The following PIK3R3 variants were observed in gnomAD, a reference collection of about 807,000 sequenced individuals.
PIK3R3 encodes the protein phosphatidylinositol 3-kinase regulatory subunit gamma.
PIK3R3 carries 64 observed loss-of-function variants against 62.9 expected under a neutral mutation model. The observed-to-expected ratio is 1.02, with a 90% CI of 0.83 to 1.25. The LOEUF (loss-of-function observed/expected upper bound fraction) is 1.25, where lower values mean the gene tolerates loss of function less well. Ranked by LOEUF, PIK3R3 falls within the 50% of genes most tolerant of loss-of-function variation. The pLI is 0.00. For synonymous variants in PIK3R3, 165 were observed against 189.0 expected (o/e 0.87, Z 1.04); for missense variants, 614 against 561.6 (o/e 1.09, Z -0.94).
intron 1 of PIK3R3, among the ~76,000 whole-genome samples, chr1:46,085,818 C>A (rs367696481): frequency 1.3e-5 from 2 of 152,128 alleles, no homozygotes; most frequent in African/African-American, 4.8e-5. Context: ...AAATGAGTAT[C>A]CATAAAATAT....
intron 1 of PIK3R3, among the ~76,000 whole-genome samples, chr1:46,100,085 T>G (rs537733385): frequency 7.9e-5 from 12 of 152,302 alleles, no homozygotes; most frequent in Admixed American, 2.6e-4. Flanking sequence ...CTGCAAATAT[T>G]TTCTCCCAGA....
Position 46,125,905 on chromosome 1 carries a change from C to T in PIK3R3, c.106+5942G>A, listed in dbSNP as rs376203394. ...CCTCCCGAGTAGCTGGGACTACAGG[C>T]GCCCGCCACCACACCCAGCTAACTT... On this transcript the variant is annotated intron_variant, in intron 1 of 9. Coordinates refer to ENST00000262741, the MANE Select transcript of PIK3R3 (RefSeq NM_003629.4). Among the ~76,000 whole-genome samples, 9 of 152,100 alleles carry T rather than the reference C, an allele frequency of 5.9e-5. No homozygotes were observed. In the South Asian group the frequency reaches 1.0e-3, roughly 18 times the overall value.
chr1:46,056,943 C>A lies in PIK3R3; in HGVS notation c.765-972G>T, dbSNP rs533573178. ...CTGTCACTTGCTGTGGGGCCATGGGCAAGTTATTTAACTTCTCAGTGCCTT... is the reference window on the plus strand; with the variant it reads ...CTGTCACTTGCTGTGGGGCCATGGGAAAGTTATTTAACTTCTCAGTGCCTT... On this transcript the variant is annotated intron_variant, in intron 6 of 9. Transcript: ENST00000262741. 2.6e-5 allele frequency: 4 copies of A among 152,366 alleles called. No homozygotes were observed. The South Asian group carries it at 8.3e-4, about 32-fold the overall frequency. 9.4% of individuals were successfully genotyped at this position (152,366 alleles called of 1,614,324 possible). A position where few individuals can be genotyped will look rare whatever the true frequency, so the allele number is the denominator to read the frequency against.
the PIK3R3 span, among the ~76,000 whole-genome samples, chr1:46,162,039 C>A: frequency 1.1e-3 from 168 of 151,380 alleles, 1 homozygote; most frequent in African/African-American, 3.8e-3. Flanking sequence ...TTGCAGTGAG[C>A]CGAGATCGCG....
intron 1 of PIK3R3, among the ~76,000 whole-genome samples, chr1:46,091,028 C>T (rs893777731): frequency 2.6e-5 from 4 of 151,974 alleles, no homozygotes; most frequent in Non-Finnish European, 5.9e-5. Flanking sequence ...GAGGGTCTCA[C>T]TATGTTGCCC....
At chr1:46,170,711 G>A in the PIK3R3 span, among the ~76,000 whole-genome samples, 7 of 152,270 alleles carry the variant, frequency 4.6e-5, no homozygotes, top group African/African-American at 1.2e-4. Context: ...GCGAGCCACC[G>A]CGCCTGGCCC....
intron 1 of PIK3R3, among the ~76,000 whole-genome samples, chr1:46,089,581 G>T (rs1247166150): frequency 6.6e-6 from 1 of 151,980 alleles, no homozygotes; most frequent in Non-Finnish European, 1.5e-5. Flanking sequence ...CAAGTGTGGT[G>T]GTGTGTGCCT....
intron 5 of PIK3R3, among the ~76,000 whole-genome samples, chr1:46,064,121 G>A (rs1210194443): frequency 6.6e-6 from 1 of 152,190 alleles, no homozygotes; most frequent in Non-Finnish European, 1.5e-5. Flanking sequence ...GCTGAGGCAA[G>A]AGAATCACTT....
chr1:46,054,397 C>CAA (rs10649671), intron 7 of PIK3R3, among the ~76,000 whole-genome samples: 32,423 of 79,992 alleles, frequency 0.41, 6,512 homozygotes, highest in East Asian at 0.53. Flanking sequence ...CTCCGCCTCA[C>CAA]AAAAAAAAAA....
the PIK3R3 span, among the ~76,000 whole-genome samples, chr1:46,141,947 G>A: frequency 2.2e-4 from 34 of 152,174 alleles, no homozygotes; most frequent in Non-Finnish European, 4.4e-4. Flanking sequence ...GGCTCATTCT[G>A]TATCTGCTTA....
chr1:46,044,538 T>C lies in PIK3R3; in HGVS notation c.1188-667A>G, dbSNP rs1002739575. ...AAGTCTTACAAGAACCATTCTCGCC[T>C]ACATTTCCACTCAGATAACTTCAAC... is the stretch of plus-strand genomic sequence containing the variant. On this transcript the variant is annotated intron_variant, in intron 9 of 9. Transcript: ENST00000262741. This position sits in a 1 kb window ranked among gnomAD's most constrained non-coding sequence, Gnocchi z 4.2. Among the ~76,000 whole-genome samples the C allele has an allele frequency of 6.6e-6, 1 of 152,208 alleles. No homozygotes were observed. Among genetic ancestry groups the C allele is most frequent in the African/African-American group, 2.4e-5 (1 of 41,458 alleles).
chr1:46,047,177 C>G (rs2149374355), intron 7 of PIK3R3: 1 of 152,820 alleles, frequency 6.5e-6, no homozygotes, highest in Middle Eastern at 3.4e-3. Context: ...GTGGCTCATG[C>G]CTGTAATCCC....
At chr1:46,062,817 T>C (rs1039319904) in intron 5 of PIK3R3, among the ~76,000 whole-genome samples, 1 of 152,160 alleles carries the variant, frequency 6.6e-6, no homozygotes, top group African/African-American at 2.4e-5. Flanking sequence ...TCAGTTTTGG[T>C]TGGTGGGTGG....
At chr1:46,146,388 T>C in the PIK3R3 span, among the ~76,000 whole-genome samples, 1 of 152,190 alleles carries the variant, frequency 6.6e-6, no homozygotes, top group African/African-American at 2.4e-5. Flanking sequence ...TTACCTCCAA[T>C]TAGAGATTTT....
At chr1:46,133,596 G>A (rs970945934), upstream of PIK3R3, among the ~76,000 whole-genome samples, 7 of 152,188 alleles carry the variant, frequency 4.6e-5, no homozygotes, top group Non-Finnish European at 1.0e-4. Flanking sequence ...TACCACTCAG[G>A]GAGAGGATGT....
At chr1:46,156,313 A>C in the PIK3R3 span, among the ~76,000 whole-genome samples, 1 of 152,018 alleles carries the variant, frequency 6.6e-6, no homozygotes, top group Non-Finnish European at 1.5e-5. Flanking sequence ...TACAAAAATT[A>C]GCCGAGCATG....
upstream of PIK3R3, chr1:46,132,777 G>A: frequency 7.9e-7 from 1 of 1,269,382 alleles, no homozygotes; most frequent in Non-Finnish European, 1.0e-6. Flanking sequence ...GTCCCGCCTC[G>A]ATGTACCGGG....
chr1:46,152,981 G>A, the PIK3R3 span, among the ~76,000 whole-genome samples: 1 of 152,088 alleles, frequency 6.6e-6, no homozygotes, highest in Non-Finnish European at 1.5e-5. Flanking sequence ...TCAATTTTAT[G>A]TGTGTTTATT....
chr1:46,144,536 G>A, the PIK3R3 span, among the ~76,000 whole-genome samples: 887 of 152,288 alleles, frequency 5.8e-3, 7 homozygotes, highest in African/African-American at 0.014. Context: ...TTGGGAGGCC[G>A]AGGCGGGCGA....
Sources: gnomAD v4.1 joint callset for allele counts (sites outside exome capture counted in the v4.1 genomes callset) on GRCh38, gnomAD v4.1.1 for gene constraint, Gnocchi (gnomAD v3.1) non-coding constraint, MANE v1.5 for transcripts, NCBI Gene and HGNC (gene_info 2026-07-23, HGNC 2026-07-21) for gene names.